Variants in ACRV1 observed in about 807,000 individuals in gnomAD.
ACRV1 encodes acrosomal protein SP-10.
Under a neutral mutation model 29.2 loss-of-function variants are expected in ACRV1, and 17 were observed. The observed-to-expected ratio is 0.58, with a 90% CI of 0.40 to 0.87. The LOEUF is 0.87. ACRV1 is among the 40% of genes least tolerant of loss of function. ACRV1 has a pLI of 0.00. For synonymous variants in ACRV1, 98 were observed against 111.6 expected (o/e 0.88, Z 0.77); for missense variants, 294 against 316.0 (o/e 0.93, Z 0.53).
intron 3 of ACRV1, 73 bp from the exon 4 acceptor site, chr11:125,672,790 A>C: frequency 7.0e-6 from 11 of 1,578,290 alleles, no homozygotes; most frequent in Non-Finnish European, 9.5e-6. Flanking sequence ...TGTGATGCTC[A>C]GTGTCTCCAT....
In ACRV1 at chr11:125,677,950, C is replaced by G. The variant is rs149517852; in HGVS notation, c.400G>C (p.Glu134Gln). 61 of 1,612,416 alleles carry G rather than the reference C, an allele frequency of 3.8e-5. No homozygotes were observed. The highest frequency in any genetic ancestry group is 3.0e-5 in the Non-Finnish European group (35 of 1,178,720). ...TCATCTGAAGGCTGTTCACCTGACTCAAGCTCACTCAAAGGCTGTTCTCCG... is the reference window on the plus strand; with the variant it reads ...TCATCTGAAGGCTGTTCACCTGACTGAAGCTCACTCAAAGGCTGTTCTCCG... ...LSGEQPLSEL[E>Q]SGEQPSDEQP... The change falls in exon 2 of 4, where the codon GAG becomes CAG. Residue 134 changes from glutamate to glutamine, a missense_variant. Glu to Gln is a conservative substitution (Grantham distance 29). Transcript: ENST00000533904.
rs947405286 is a variant in ACRV1 at position 125,680,818 on chromosome 11, C to T, written c.-38G>A. ...AAAGAGGGGACCCCAGTGTGGGCCACAGCTTCTTCACAGAGCTATGAAGCA... is the reference window on the plus strand; with the variant it reads ...AAAGAGGGGACCCCAGTGTGGGCCATAGCTTCTTCACAGAGCTATGAAGCA... On this transcript the variant is annotated 5_prime_UTR_variant, in exon 1 of 4. The change creates a new upstream start codon in the 5' untranslated region. Transcript: ENST00000533904. 1.9e-6 allele frequency: 3 copies of T among 1,565,584 alleles called. No homozygotes were observed. The highest frequency in any genetic ancestry group is 2.7e-5 in the African/African-American group (2 of 73,688).
At chr11:125,679,901 T>C (rs1942716969) in intron 1 of ACRV1, among the ~76,000 whole-genome samples, 1 of 152,260 alleles carries the variant, frequency 6.6e-6, no homozygotes, top group African/African-American at 2.4e-5. Context: ...ACATAAATAC[T>C]ATCTACTTGA....
intron 1 of ACRV1, among the ~76,000 whole-genome samples, chr11:125,679,114 A>G (rs1017592097): frequency 2.0e-5 from 3 of 149,484 alleles, no homozygotes; most frequent in Non-Finnish European, 4.4e-5. Context: ...CCTAGTACTC[A>G]ATTTTATTTT....
chr11:125,676,276 G>A (rs1254416498), intron 3 of ACRV1, 83 bp downstream of exon 3: 6 of 1,503,758 alleles, frequency 4.0e-6, no homozygotes, highest in Non-Finnish European at 5.5e-6. Context: ...TCTTTCCTGG[G>A]CCCCTGTCAT....
rs764429478 is a variant in ACRV1, at chr11:125,678,243, A to C, written c.107T>G (p.Val36Gly). Residue 36 changes from valine to glycine, a missense_variant, in exon 2 of 4, where the codon GTT becomes GGT. Physicochemically the swap from Val to Gly is moderately radical, Grantham distance 109. Transcript: ENST00000533904. ...LSGSIDHQTS[V>G]QQLPGEFFSL... is the part of the protein sequence containing the mutation. ...AAAGAACTCACCTGGAAGTTGCTGA[A>C]CTGAAGTTTGATGATCTATGGAGCC... 1 of 1,614,220 alleles carries C rather than the reference A, an allele frequency of 6.2e-7. No homozygotes were observed. Among genetic ancestry groups the C allele is most frequent in the Admixed American group, 1.7e-5 (1 of 60,024 alleles).
chr11:125,673,230 A>C (rs1278612016), intron 3 of ACRV1, among the ~76,000 whole-genome samples: 2 of 144,702 alleles, frequency 1.4e-5, no homozygotes, highest in Admixed American at 1.4e-4. Context: ...TTTTTGAGAC[A>C]ATCTCGCTCT....
intron 3 of ACRV1, chr11:125,676,112 T>C: frequency 2.6e-6 from 1 of 380,780 alleles, no homozygotes; most frequent in Non-Finnish European, 4.8e-6. Flanking sequence ...TTTTTCATGT[T>C]GGCCAGGCTG....
intron 1 of ACRV1, among the ~76,000 whole-genome samples, chr11:125,679,970 AG>A (rs1425463237): frequency 1.3e-5 from 2 of 152,226 alleles, no homozygotes; most frequent in Non-Finnish European, 2.9e-5. Context: ...TATAGAAAGG[AG>A]ACATAAAAAG....
At chr11:125,675,381 G>A (rs1473432536) in intron 3 of ACRV1, among the ~76,000 whole-genome samples, 1 of 151,664 alleles carries the variant, frequency 6.6e-6, no homozygotes, top group East Asian at 1.9e-4. Context: ...TAATCTCTTT[G>A]TACACAGTTT....
At chr11:125,672,805 G>A (rs1033075227) in intron 3 of ACRV1, 88 bp from the exon 4 acceptor site, 1 of 1,513,100 alleles carries the variant, frequency 6.6e-7, no homozygotes, top group Non-Finnish European at 8.9e-7. Flanking sequence ...CTCCATGCAG[G>A]ATGGTCAAGA....
chr11:125,680,058 G>A (rs1172708334), intron 1 of ACRV1, among the ~76,000 whole-genome samples: 1 of 152,218 alleles, frequency 6.6e-6, no homozygotes, highest in African/African-American at 2.4e-5. Flanking sequence ...TGGTGGCTGT[G>A]TATCTACATT....
At chr11:125,679,228 T>TTTTTTTTTTTTTTTTTTTTG (rs1454887323) in intron 1 of ACRV1, among the ~76,000 whole-genome samples, 15 of 145,556 alleles carry the variant, frequency 1.0e-4, no homozygotes, top group African/African-American at 3.9e-4. Context: ...TTTTTTTTTT[T>TTTTTTTTTTTTTTTTTTTTG]TGTTTCAAAG....
In ACRV1 at chr11:125,677,922, T is replaced by C. The variant is rs370935297; in HGVS notation, c.428A>G (p.Gln143Arg). 4.3e-6 allele frequency: 7 copies of C among 1,614,058 alleles called. No homozygotes were observed. Among genetic ancestry groups the C allele is most frequent in the Non-Finnish European group, 5.9e-6 (7 of 1,179,992 alleles). Reference sequence around the variant, plus strand: ...ACCGGAGCCATGTTCACCTGAAGGCTGTTCATCTGAAGGCTGTTCACCTGA... The same window carrying C: ...ACCGGAGCCATGTTCACCTGAAGGCCGTTCATCTGAAGGCTGTTCACCTGA... ...LESGEQPSDE[Q>R]PSGEHGSGEQ... Residue 143 changes from glutamine (Q) to arginine (R), a missense_variant, in exon 2 of 4, where the codon CAG becomes CGG. Transcript: ENST00000533904.
chr11:125,679,324 C>T (rs577545), intron 1 of ACRV1, among the ~76,000 whole-genome samples: 86,988 of 150,664 alleles, frequency 0.58, 25,268 homozygotes, highest in Admixed American at 0.64. Context: ...TTCAAGTGAT[C>T]CTCCTGCCTC....
At chr11:125,676,500 G>A (rs1324441309) in intron 2 of ACRV1, 22 bp from the exon 3 acceptor site, 1 of 1,613,706 alleles carries the variant, frequency 6.2e-7, no homozygotes, top group African/African-American at 1.3e-5. Context: ...AGATAAGCCT[G>A]ATGACATTTC....
chr11:125,674,226 TGAGA>T (rs1255154728), intron 3 of ACRV1, among the ~76,000 whole-genome samples: 2 of 152,136 alleles, frequency 1.3e-5, no homozygotes, highest in Non-Finnish European at 2.9e-5. Flanking sequence ...TGTCAAGAGC[TGAGA>T]GAGATAAAAA....
At chr11:125,673,710 T>G (rs1019321613) in intron 3 of ACRV1, among the ~76,000 whole-genome samples, 3 of 152,208 alleles carry the variant, frequency 2.0e-5, no homozygotes, top group African/African-American at 7.2e-5. Flanking sequence ...CCAAACCTGC[T>G]TGTTTTTGTG....
At position 125,672,403 on chromosome 11, in the gene ACRV1, G is replaced by A; in HGVS notation, c.*190C>T. On this transcript the variant is annotated 3_prime_UTR_variant, in exon 4 of 4. Transcript: ENST00000533904. ...TGAGAGAAAGAGTTGGAGCAGGGAA[G>A]ACAGGACAGAGAAGAATGGATAAAA... The A allele has an allele frequency of 1.6e-6, 1 of 632,574 alleles. No homozygotes were observed. Among genetic ancestry groups the A allele is most frequent in the Non-Finnish European group, 2.6e-6 (1 of 381,966 alleles). 39.2% of individuals were successfully genotyped at this position (632,574 alleles called of 1,614,324 possible). A position where few individuals can be genotyped will look rare whatever the true frequency, so the allele number is the denominator to read the frequency against.
Sources: allele counts gnomAD v4.1 joint callset (sites outside exome capture counted in the v4.1 genomes callset), GRCh38; gene constraint gnomAD v4.1.1; transcripts MANE v1.5; gene names NCBI Gene and HGNC (gene_info 2026-07-23, HGNC 2026-07-21).